Variants in CSMD1 observed in about 807,000 individuals in gnomAD.
CSMD1 encodes CUB and Sushi multiple domains 1, also known as CUB and sushi domain-containing protein 1.
A neutral mutation model predicts 417.5 loss-of-function variants in CSMD1; 213 were observed. The ratio of observed to expected loss-of-function variants is 0.51; its 90% confidence interval spans 0.46 to 0.57. The LOEUF is 0.57. Ranked by LOEUF, CSMD1 falls within the 20% of genes least tolerant of loss-of-function variation. The pLI is 0.00. For synonymous variants in CSMD1, 2,862 were observed against 1,736.8 expected, an observed-to-expected ratio of 1.65 and a Z score of -16.11; for missense variants, 6,923 against 4,529.7, an observed-to-expected ratio of 1.53 and a Z score of -15.17.
At chr8:4,415,875 C>T (rs552549785) in intron 3 of CSMD1, among the ~76,000 whole-genome samples, 1 of 152,228 alleles carries the variant, frequency 6.6e-6, no homozygotes, top group South Asian at 2.1e-4. Context: ...CAAGAGGAAA[C>T]AGTGAGTGTA....
At chr8:3,810,947 A>G (rs1024195183) in intron 5 of CSMD1, among the ~76,000 whole-genome samples, 6 of 152,188 alleles carry the variant, frequency 3.9e-5, no homozygotes, top group African/African-American at 1.2e-4. Context: ...AATGGGGATA[A>G]TAACGTTTGT....
intron 3 of CSMD1, among the ~76,000 whole-genome samples, chr8:4,205,924 G>T (rs879671338): frequency 7.2e-5 from 11 of 152,064 alleles, no homozygotes; most frequent in Non-Finnish European, 1.2e-4. Context: ...CTGCAGCCAC[G>T]TTTTTCTGAC....
intron 1 of CSMD1, among the ~76,000 whole-genome samples, chr8:4,943,762 G>C (rs1477883859): frequency 3.3e-5 from 5 of 152,094 alleles, no homozygotes; most frequent in Non-Finnish European, 7.4e-5. Context: ...ACTTTGGTAA[G>C]TTACTTTCCC....
chr8:3,078,969 G>GC lies in CSMD1; in HGVS notation c.7474+8127_7474+8128insG, dbSNP rs1429560030. On this transcript the variant is annotated intron_variant, in intron 49 of 69. Transcript: ENST00000635120. Reference sequence around the variant, plus strand: ...ACATTTGCGTTTAGTCCTTCAAAACGGGGGGGAGCACCTTTATGCCCATTT... The same window carrying GC: ...ACATTTGCGTTTAGTCCTTCAAAACGCGGGGGGAGCACCTTTATGCCCATTT... Among the ~76,000 whole-genome samples, 15 of 117,980 alleles carry GC rather than the reference G, an allele frequency of 1.3e-4. 1 individual carries two copies. The South Asian group carries it at 3.9e-3, about 31-fold the overall frequency. The allele number at this position is 117,980 out of a possible 152,430, so 77.4% of individuals were successfully genotyped here.
intron 10 of CSMD1, among the ~76,000 whole-genome samples, chr8:3,499,522 G>T (rs550478122): frequency 1.3e-5 from 2 of 152,186 alleles, no homozygotes; most frequent in South Asian, 2.1e-4. Context: ...TTCACTGCTG[G>T]CAGCAGTACC....
chr8:3,565,551 T>C (rs13258825), intron 10 of CSMD1, among the ~76,000 whole-genome samples: 60,449 of 152,020 alleles, frequency 0.4, 12,285 homozygotes, highest in Middle Eastern at 0.49. Flanking sequence ...TGTTAACCTT[T>C]TAATACTTCA....
chr8:3,965,213 G>A (rs111891596), intron 5 of CSMD1, among the ~76,000 whole-genome samples: 2 of 152,148 alleles, frequency 1.3e-5, no homozygotes, highest in African/African-American at 2.4e-5. Context: ...GGAAGGAGGG[G>A]CTGAACTTGA....
chr8:4,031,361 C>A (rs1399737254), intron 4 of CSMD1, among the ~76,000 whole-genome samples: 1 of 152,198 alleles, frequency 6.6e-6, no homozygotes, highest in Non-Finnish European at 1.5e-5. Context: ...GAGCACATCA[C>A]GTCTTACATG....
At chr8:4,816,118 G>C (rs1382002659) in intron 1 of CSMD1, among the ~76,000 whole-genome samples, 2 of 152,160 alleles carry the variant, frequency 1.3e-5, no homozygotes, top group East Asian at 1.9e-4. Flanking sequence ...TGATCACAGA[G>C]CATCAGACTT....
intron 1 of CSMD1, among the ~76,000 whole-genome samples, chr8:4,730,511 C>T (rs1378228284): frequency 1.3e-5 from 2 of 152,068 alleles, no homozygotes; most frequent in South Asian, 2.1e-4. Context: ...GAGGCTGAGG[C>T]AGGCGGATCA....
At chr8:4,064,135 C>T (rs945581037) in intron 3 of CSMD1, among the ~76,000 whole-genome samples, 48 of 152,092 alleles carry the variant, frequency 3.2e-4, no homozygotes, top group African/African-American at 1.0e-3. Context: ...TTGTTTCTGC[C>T]TCTGATGTAA....
intron 11 of CSMD1, among the ~76,000 whole-genome samples, chr8:3,479,257 T>C (rs1009842415): frequency 1.3e-5 from 2 of 152,152 alleles, no homozygotes; most frequent in Admixed American, 6.5e-5. Flanking sequence ...ACAAAAGCAA[T>C]TGCAGTTTTT....
intron 31 of CSMD1, among the ~76,000 whole-genome samples, chr8:3,202,890 T>C (rs1297875590): frequency 6.6e-6 from 1 of 152,148 alleles, no homozygotes; most frequent in Non-Finnish European, 1.5e-5. Flanking sequence ...GTAGGCTAGG[T>C]GAATTTTCCC....
chr8:4,233,316 A>G (rs572301950), intron 3 of CSMD1, among the ~76,000 whole-genome samples: 1 of 152,326 alleles, frequency 6.6e-6, no homozygotes, highest in Admixed American at 6.5e-5. Context: ...TTTGAATGTT[A>G]AAAACCTCTC....
intron 3 of CSMD1, among the ~76,000 whole-genome samples, chr8:4,302,888 G>A (rs928596507): frequency 2.6e-5 from 4 of 152,038 alleles, no homozygotes; most frequent in Admixed American, 2.0e-4. Flanking sequence ...TGGCCTCCAT[G>A]CTGATTCATA....
chr8:4,094,522 T>C lies in CSMD1; in HGVS notation c.416-62423A>G, dbSNP rs75293336. Among the ~76,000 whole-genome samples the C allele has an allele frequency of 5.1e-3, 777 of 152,232 alleles. 6 individuals are homozygous for C. Among genetic ancestry groups the C allele is most frequent in the African/African-American group, 0.018 (734 of 41,536 alleles). On this transcript the variant is annotated intron_variant, in intron 3 of 69. Coordinates refer to ENST00000635120, the MANE Select transcript of CSMD1 (RefSeq NM_033225.6). ...CACGCAGGGTGGAGGAATCTAACTT[T>C]CAGATTAAATAGCTTCAGTGGGAGA...
intron 26 of CSMD1, among the ~76,000 whole-genome samples, chr8:3,232,255 C>T (rs1054271737): frequency 9.2e-5 from 14 of 152,118 alleles, no homozygotes; most frequent in African/African-American, 3.4e-4. Context: ...TATCAGTTTC[C>T]TGAAATCAAA....
Position 4,364,688 on chromosome 8 carries a change from A to T in CSMD1, c.415+55265T>A, listed in dbSNP as rs112172981. Among the ~76,000 whole-genome samples, 473 of 59,530 alleles carry T rather than the reference A, an allele frequency of 7.9e-3. 165 individuals carry two copies. Among genetic ancestry groups the T allele is most frequent in the Middle Eastern group, 0.031 (4 of 130 alleles). 39.1% of individuals were successfully genotyped at this position (59,530 alleles called of 152,430 possible). Reference sequence around the variant, plus strand: ...AAATACAAAAAAATTAGCCGGGCGTAGTGGCGGGCGCCTGTAGTCCCAGCT... The same window carrying T: ...AAATACAAAAAAATTAGCCGGGCGTTGTGGCGGGCGCCTGTAGTCCCAGCT... On this transcript the variant is annotated intron_variant, in intron 3 of 69. Coordinates refer to ENST00000635120, the MANE Select transcript of CSMD1 (RefSeq NM_033225.6).
At chr8:3,735,587 C>G (rs561423619) in intron 6 of CSMD1, among the ~76,000 whole-genome samples, 2 of 152,318 alleles carry the variant, frequency 1.3e-5, no homozygotes, top group South Asian at 2.1e-4. Flanking sequence ...GCTTCAGTGT[C>G]TGACTTCACT....
Sources: gnomAD v4.1 joint callset for allele counts (sites outside exome capture counted in the v4.1 genomes callset) on GRCh38, gnomAD v4.1.1 for gene constraint, MANE v1.5 for transcripts, NCBI Gene and HGNC (gene_info 2026-07-23, HGNC 2026-07-21) for gene names.